The following PRKCI variants were observed in gnomAD, a reference collection of about 807,000 sequenced individuals.
The protein encoded by PRKCI is protein kinase C iota, also known as protein kinase C iota type.
A neutral mutation model predicts 84.0 loss-of-function variants in PRKCI; 43 were observed. The observed-to-expected ratio is 0.51, with a 90% CI of 0.40 to 0.66. PRKCI has a LOEUF of 0.66. PRKCI is among the 30% of genes least tolerant of loss of function. The pLI is 0.00. For missense variants in PRKCI, 459 were observed against 745.6 expected, an observed-to-expected ratio of 0.62 and a Z score of 4.48; for synonymous variants, 216 against 234.4, an observed-to-expected ratio of 0.92 and a Z score of 0.72.
chr3:170,261,278 T>A (rs1733719840), intron 3 of PRKCI, among the ~76,000 whole-genome samples: 1 of 151,920 alleles, frequency 6.6e-6, no homozygotes, highest in South Asian at 2.1e-4. Flanking sequence ...AACCTCTTAA[T>A]ATACTGCATT....
intron 2 of PRKCI, among the ~76,000 whole-genome samples, chr3:170,241,891 G>C (rs1183324179): frequency 6.6e-6 from 1 of 152,132 alleles, no homozygotes; most frequent in Non-Finnish European, 1.5e-5. Flanking sequence ...ACTTGGGGAG[G>C]CTGAGGCAGG....
At position 170,280,328 on chromosome 3, in the gene PRKCI, G is replaced by A. The variant is rs753469496; in HGVS notation, c.807G>A (p.Leu269=). 1 of 1,613,748 alleles carries A rather than the reference G, an allele frequency of 6.2e-7. No homozygotes were observed. The highest frequency in any genetic ancestry group is 1.1e-5 in the South Asian group (1 of 91,080). The stretch of plus-strand genomic sequence containing the variant: ...GAAGAGGAAGTTATGCCAAAGTACT[G>A]TTGGTTCGATTAAAAAAAACAGATC... The part of the protein sequence containing the change: ...VIGRGSYAKV[L]LVRLKKTDRI... Residue 269 remains leucine (L), a synonymous_variant, in exon 9 of 18, where the codon CTG becomes CTA. Coordinates refer to ENST00000295797, the MANE Select transcript of PRKCI (RefSeq NM_002740.6).
In PRKCI at chr3:170,281,192, G is replaced by C; in HGVS notation, c.909G>C (p.Lys303Asn). The C allele has an allele frequency of 1.2e-6, 2 of 1,613,554 alleles. No individual in the cohort carries two copies. Among genetic ancestry groups the C allele is most frequent in the Non-Finnish European group, 1.7e-6 (2 of 1,179,924 alleles). ...DEDIDWVQTE[K>N]HVFEQASNHP... is the part of the protein sequence containing the mutation. ...ATATTGATTGGGTACAGACAGAGAA[G>C]CATGTGTTTGAGCAGGCATCCAATC... Residue 303 changes from lysine (K) to asparagine (N), a missense_variant, in exon 10 of 18, where the codon AAG becomes AAC. This residue lies in a region of PRKCI where 209 missense variants were observed against 425.9 expected (regional missense o/e 0.49). Coordinates refer to ENST00000295797, the MANE Select transcript of PRKCI (RefSeq NM_002740.6).
chr3:170,242,618 A>G (rs1225718851), intron 2 of PRKCI, among the ~76,000 whole-genome samples: 1 of 151,456 alleles, frequency 6.6e-6, no homozygotes. Flanking sequence ...ATTATACATT[A>G]TTACATTATT....
chr3:170,247,730 CAAAAAAAAAAAAAAAA>C (rs72411481), intron 2 of PRKCI, among the ~76,000 whole-genome samples: 4 of 27,896 alleles, frequency 1.4e-4, no homozygotes, highest in East Asian at 1.2e-3. Context: ...AACTCTGTCT[CAAAAAAAAAAAAAAAA>C]AAAAAAAAAA....
At chr3:170,250,514 G>A (rs76469959) in intron 2 of PRKCI, among the ~76,000 whole-genome samples, 2,147 of 128,788 alleles carry the variant, frequency 0.017, 54 homozygotes, top group African/African-American at 0.06. Flanking sequence ...GCAGGCCCCA[G>A]ACCTAGACAA....
At chr3:170,275,332 A>G (rs770698892) in intron 8 of PRKCI, 45 bp downstream of exon 8, 1 of 1,559,052 alleles carries the variant, frequency 6.4e-7, no homozygotes, top group African/African-American at 1.4e-5. Context: ...TAGCTTTTTA[A>G]TAAGGCTCAG....
At chr3:170,254,055 C>T (rs1187509244) in intron 2 of PRKCI, among the ~76,000 whole-genome samples, 1 of 151,736 alleles carries the variant, frequency 6.6e-6, no homozygotes, top group Non-Finnish European at 1.5e-5. Flanking sequence ...CAAGATTACG[C>T]CACTGCACTC....
chr3:170,225,244 CA>C (rs1443319585), intron 1 of PRKCI, among the ~76,000 whole-genome samples: 1 of 152,154 alleles, frequency 6.6e-6, no homozygotes, highest in African/African-American at 2.4e-5. Flanking sequence ...CATTTAAAGA[CA>C]ATATCAGCAC....
chr3:170,294,577 A>G (rs1245797562), intron 14 of PRKCI, among the ~76,000 whole-genome samples: 1 of 152,232 alleles, frequency 6.6e-6, no homozygotes, highest in Non-Finnish European at 1.5e-5. Flanking sequence ...GCTGGTAGGA[A>G]TGAAAACTGA....
At chr3:170,267,126 G>A (rs965333162) in intron 4 of PRKCI, among the ~76,000 whole-genome samples, 4 of 152,040 alleles carry the variant, frequency 2.6e-5, no homozygotes, top group African/African-American at 4.8e-5. Context: ...GTGGCGGGGG[G>A]GTGCGGAATA....
rs1024096896 is a variant in PRKCI, at chr3:170,281,388, T to C, written c.980+125T>C. 6 of 699,886 alleles carry C rather than the reference T, an allele frequency of 8.6e-6. No homozygotes were observed. The African/African-American group carries it at 1.1e-4, about 12-fold the overall frequency. 43.4% of individuals were successfully genotyped at this position (699,886 alleles called of 1,614,324 possible). A position where few individuals can be genotyped will look rare whatever the true frequency, so the allele number is the denominator to read the frequency against. On this transcript the variant is annotated intron_variant, in intron 10 of 17. Coordinates refer to ENST00000295797, the MANE Select transcript of PRKCI (RefSeq NM_002740.6). ...GGAGGATGCAACAGTGTTAGGCTTA[T>C]AACTTCCTGCTAATAATACTGCCAT... is the stretch of plus-strand genomic sequence containing the variant.
chr3:170,225,753 C>G (rs985783868), intron 1 of PRKCI, among the ~76,000 whole-genome samples: 13 of 151,816 alleles, frequency 8.6e-5, no homozygotes, highest in African/African-American at 2.9e-4. Flanking sequence ...AATGTTGACT[C>G]ATTTAATAGC....
intron 2 of PRKCI, among the ~76,000 whole-genome samples, chr3:170,256,559 CTTTTA>C (rs772565128): frequency 6.6e-6 from 1 of 151,958 alleles, no homozygotes; most frequent in Non-Finnish European, 1.5e-5. Flanking sequence ...GGTCTTGTAT[CTTTTA>C]TTTTTAGTCC....
intron 2 of PRKCI, 101 bp from the exon 3 acceptor site, chr3:170,259,868 T>C: frequency 1.9e-6 from 1 of 538,504 alleles, no homozygotes. Flanking sequence ...TTTATAAATA[T>C]GAGATTATTT....
At chr3:170,264,124 A>G (rs1733801689) in intron 4 of PRKCI, among the ~76,000 whole-genome samples, 2 of 151,590 alleles carry the variant, frequency 1.3e-5, no homozygotes, top group African/African-American at 2.4e-5. Context: ...GTATCTGTCT[A>G]TATCTCATAT....
intron 2 of PRKCI, 33 bp downstream of exon 2, chr3:170,235,384 C>A: frequency 6.2e-7 from 1 of 1,607,198 alleles, no homozygotes. Flanking sequence ...CCTGTGTAAG[C>A]ATTTTAAGAT....
intron 8 of PRKCI, among the ~76,000 whole-genome samples, chr3:170,277,566 C>T (rs1734146036): frequency 1.3e-5 from 2 of 151,922 alleles, no homozygotes; most frequent in African/African-American, 4.8e-5. Flanking sequence ...CGGTGGCAGG[C>T]GCCTGTAGTC....
chr3:170,278,326 A>G (rs1734167672), intron 8 of PRKCI, among the ~76,000 whole-genome samples: 1 of 152,062 alleles, frequency 6.6e-6, no homozygotes, highest in Non-Finnish European at 1.5e-5. Flanking sequence ...ACTCTGCTGT[A>G]TTTACCCTTG....
Sources: allele counts gnomAD v4.1 joint callset (sites outside exome capture counted in the v4.1 genomes callset), GRCh38; gene constraint gnomAD v4.1.1; regional missense constraint gnomAD v4.1.1; transcripts MANE v1.5; gene names NCBI Gene and HGNC (gene_info 2026-07-23, HGNC 2026-07-21).